PDZRN4: variants seen among roughly 807,000 people sequenced by gnomAD.
PDZRN4 encodes PDZ domain containing ring finger 4.
Under a neutral mutation model 99.0 loss-of-function variants are expected in PDZRN4, and 70 were observed. The ratio of observed to expected loss-of-function variants is 0.71; its 90% CI spans 0.58 to 0.86. The LOEUF (loss-of-function observed/expected upper bound fraction) is 0.86. PDZRN4 is among the 40% of genes least tolerant of loss of function. PDZRN4 has a pLI of 0.00. For missense variants in PDZRN4, 1,474 were observed against 1,331.2 expected, an observed-to-expected ratio of 1.11 and a Z score of -1.67; for synonymous variants, 551 against 501.6, an observed-to-expected ratio of 1.10 and a Z score of -1.32.
At chr12:41,288,261 T>C (rs75921531) in intron 3 of PDZRN4, among the ~76,000 whole-genome samples, 2,204 of 152,288 alleles carry the variant, frequency 0.014, 22 homozygotes, top group Middle Eastern at 0.034. Context: ...AGCCCTGTGA[T>C]AATAAATCAT....
At chr12:41,425,220 A>C (rs1413970115) in intron 3 of PDZRN4, among the ~76,000 whole-genome samples, 2 of 152,034 alleles carry the variant, frequency 1.3e-5, no homozygotes, top group African/African-American at 2.4e-5. Context: ...ACACGAACAC[A>C]CACACTCAAA....
At chr12:41,192,246 G>A (rs1374850198) in intron 2 of PDZRN4, among the ~76,000 whole-genome samples, 3 of 152,040 alleles carry the variant, frequency 2.0e-5, no homozygotes, top group Non-Finnish European at 4.4e-5. Context: ...TGGGATTATA[G>A]GCGTGTGCCA....
intron 3 of PDZRN4, among the ~76,000 whole-genome samples, chr12:41,425,653 C>T (rs145106322): frequency 6.6e-6 from 1 of 152,288 alleles, no homozygotes; most frequent in East Asian, 1.9e-4. Flanking sequence ...TCCACATTCA[C>T]ACTTGAGTCA....
At chr12:41,217,306 C>T (rs1480397451) in intron 3 of PDZRN4, among the ~76,000 whole-genome samples, 1 of 152,010 alleles carries the variant, frequency 6.6e-6, no homozygotes, top group East Asian at 1.9e-4. Flanking sequence ...ACACAGGGCT[C>T]AGGTTTAGAG....
chr12:41,369,129 T>G (rs1382625304), intron 3 of PDZRN4, among the ~76,000 whole-genome samples: 2 of 152,134 alleles, frequency 1.3e-5, no homozygotes, highest in Non-Finnish European at 2.9e-5. Flanking sequence ...ATAAAAACAG[T>G]ATTGAGTAAT....
At chr12:41,535,367 T>A (rs1343441704) in intron 5 of PDZRN4, among the ~76,000 whole-genome samples, 1 of 152,216 alleles carries the variant, frequency 6.6e-6, no homozygotes, top group Non-Finnish European at 1.5e-5. Flanking sequence ...GATATTACCC[T>A]CTTAGGAGTT....
At chr12:41,485,681 G>A (rs564720915) in intron 3 of PDZRN4, among the ~76,000 whole-genome samples, 1 of 152,284 alleles carries the variant, frequency 6.6e-6, no homozygotes, top group African/African-American at 2.4e-5. Flanking sequence ...AAAAATCTAT[G>A]ATAATTATAG....
intron 3 of PDZRN4, among the ~76,000 whole-genome samples, chr12:41,297,210 A>G (rs1951501597): frequency 6.6e-6 from 1 of 152,190 alleles, no homozygotes; most frequent in South Asian, 2.1e-4. Flanking sequence ...CCCCTTGTAT[A>G]ACAAACCAAA....
At chr12:41,379,009 T>G (rs1952102786) in intron 3 of PDZRN4, among the ~76,000 whole-genome samples, 1 of 152,192 alleles carries the variant, frequency 6.6e-6, no homozygotes, top group Admixed American at 6.5e-5. Flanking sequence ...TGGTTTGGGC[T>G]TTTCTTTCTT....
intron 3 of PDZRN4, among the ~76,000 whole-genome samples, chr12:41,446,814 A>G (rs1349419913): frequency 6.6e-6 from 1 of 150,812 alleles, no homozygotes; most frequent in Non-Finnish European, 1.5e-5. Context: ...GACAGTGGAT[A>G]TTATTCCCAA....
At chr12:41,288,498 T>C (rs1371795515) in intron 3 of PDZRN4, among the ~76,000 whole-genome samples, 2 of 152,190 alleles carry the variant, frequency 1.3e-5, no homozygotes, top group Non-Finnish European at 2.9e-5. Context: ...TTTGTCCTAA[T>C]TGGAACTGTA....
chr12:41,235,620 T>C (rs1211622778), intron 3 of PDZRN4, among the ~76,000 whole-genome samples: 1 of 152,092 alleles, frequency 6.6e-6, no homozygotes, highest in Non-Finnish European at 1.5e-5. Context: ...TTATGTTTTT[T>C]AGAAAAAAAT....
chr12:41,394,195 C>T (rs538165599), intron 3 of PDZRN4, among the ~76,000 whole-genome samples: 1 of 152,120 alleles, frequency 6.6e-6, no homozygotes, highest in Admixed American at 6.6e-5. Flanking sequence ...TATAAGGGCC[C>T]TAATCCCATT....
chr12:41,222,089 C>T lies in PDZRN4; in HGVS notation c.843+27901C>T, dbSNP rs555558347. Reference sequence around the variant, plus strand: ...GTTGATGGTGGTGGTGGGTTGGCACCACCAGAGTTCCAGCATATGACCAGA... The same window carrying T: ...GTTGATGGTGGTGGTGGGTTGGCACTACCAGAGTTCCAGCATATGACCAGA... On this transcript the variant is annotated intron_variant, in intron 3 of 9. Transcript: ENST00000402685. Among the ~76,000 whole-genome samples, 6 of 152,228 alleles carry T rather than the reference C, an allele frequency of 3.9e-5. No individual in the cohort carries two copies. The East Asian group carries it at 1.2e-3, about 29-fold the overall frequency.
At chr12:41,341,678 C>T (rs1390060685) in intron 3 of PDZRN4, among the ~76,000 whole-genome samples, 1 of 151,642 alleles carries the variant, frequency 6.6e-6, no homozygotes, top group Non-Finnish European at 1.5e-5. Context: ...AACTATAAAA[C>T]ATTGATAGAA....
chr12:41,304,844 G>C (rs966978124), intron 3 of PDZRN4, among the ~76,000 whole-genome samples: 1 of 152,212 alleles, frequency 6.6e-6, no homozygotes, highest in African/African-American at 2.4e-5. Flanking sequence ...AGTTAGAGGA[G>C]ATGTCACAAA....
chr12:41,478,749 G>A (rs1937628564), intron 3 of PDZRN4, among the ~76,000 whole-genome samples: 1 of 151,928 alleles, frequency 6.6e-6, no homozygotes, highest in African/African-American at 2.4e-5. Context: ...ATGAGTTTGG[G>A]CCCTTCACAT....
At position 41,573,983 on chromosome 12, in the gene PDZRN4, A is replaced by G. The variant is rs1168498867; in HGVS notation, c.*93A>G. 3.4e-6 allele frequency: 3 copies of G among 870,868 alleles called. No individual in the cohort carries two copies. Among genetic ancestry groups the G allele is most frequent in the Admixed American group, 6.0e-5 (2 of 33,310 alleles). The allele number at this position is 870,868 out of a possible 1,614,324, so 53.9% of individuals were successfully genotyped here. On this transcript the variant is annotated 3_prime_UTR_variant, in exon 10 of 10. Transcript: ENST00000402685. ...CTCGTTCAATGTGGCGTTTTTATAT[A>G]TATTTTGTGACTCTTTATAGTTTAA...
chr12:41,520,541 G>A lies in PDZRN4; in HGVS notation c.1203+10628G>A, dbSNP rs141409366. ...TTGTTTTGTTCTTCAAATTAAATAT[G>A]AGAGAAAATATGATCATATTTTTGT... On this transcript the variant is annotated intron_variant, in intron 5 of 9. Coordinates refer to ENST00000402685, the MANE Select transcript of PDZRN4 (RefSeq NM_001164595.2). 7.8e-3 allele frequency among the ~76,000 whole-genome samples: 1,192 copies of A among 151,878 alleles called. 10 individuals carry two copies. Among genetic ancestry groups the A allele is most frequent in the Non-Finnish European group, 0.013 (880 of 67,954 alleles).
Sources: gnomAD v4.1 joint callset for allele counts (sites outside exome capture counted in the v4.1 genomes callset) on GRCh38, gnomAD v4.1.1 for gene constraint, MANE v1.5 for transcripts, NCBI Gene and HGNC (gene_info 2026-07-23, HGNC 2026-07-21) for gene names.